Variants in LRIG1 observed in about 807,000 individuals in gnomAD.
The protein encoded by LRIG1 is leucine rich repeats and immunoglobulin like domains 1.
A neutral mutation model predicts 99.2 loss-of-function variants in LRIG1; 48 were observed. The ratio of observed to expected loss-of-function variants is 0.48; its 90% CI spans 0.38 to 0.62. The LOEUF (loss-of-function observed/expected upper bound fraction) is 0.62, where lower values mean the gene tolerates loss of function less well. Among genes scored for constraint, LRIG1 ranks in the 20% least tolerant of loss-of-function variants. The probability of loss-of-function intolerance (pLI) is 0.00; values close to 1 mark genes in which losing one functional copy is unlikely to be tolerated. For missense variants in LRIG1, 1,646 were observed against 1,434.4 expected (o/e 1.15, Z -2.38); for synonymous variants, 772 against 596.1 (o/e 1.29, Z -4.30).
intron 3 of LRIG1, among the ~76,000 whole-genome samples, chr3:66,424,586 T>C (rs1702919715): frequency 1.3e-5 from 2 of 152,198 alleles, no homozygotes. Context: ...GATCCATACC[T>C]CTTTTTATTG....
At chr3:66,496,119 G>A (rs1293484129) in intron 1 of LRIG1, among the ~76,000 whole-genome samples, 2 of 152,188 alleles carry the variant, frequency 1.3e-5, no homozygotes, top group Non-Finnish European at 2.9e-5. Flanking sequence ...GAGAATTACT[G>A]CTGATAATAT....
chr3:66,420,789 C>G (rs117912976), intron 3 of LRIG1, among the ~76,000 whole-genome samples: 1 of 152,080 alleles, frequency 6.6e-6, no homozygotes, highest in East Asian at 1.9e-4. Flanking sequence ...CCGGGGAGAC[C>G]GCAGAAGGAA....
intron 1 of LRIG1, among the ~76,000 whole-genome samples, chr3:66,474,988 T>G (rs919803087): frequency 3.3e-5 from 5 of 152,228 alleles, no homozygotes; most frequent in Non-Finnish European, 7.3e-5. Context: ...AGCCTCTCTG[T>G]GCACTAGAGA....
intron 3 of LRIG1, among the ~76,000 whole-genome samples, chr3:66,420,506 A>G (rs6763401): frequency 0.49 from 73,965 of 152,120 alleles, 21,241 homozygotes; most frequent in Non-Finnish European, 0.67. Context: ...AGACATGTGT[A>G]TCCTCACATT....
chr3:66,469,840 T>G (rs1009042682), intron 1 of LRIG1, among the ~76,000 whole-genome samples: 3 of 144,172 alleles, frequency 2.1e-5, no homozygotes, highest in African/African-American at 7.9e-5. Context: ...GAGGCTAAAG[T>G]CGGGGAATCA....
At chr3:66,430,194 A>C (rs397875809) in intron 3 of LRIG1, among the ~76,000 whole-genome samples, 14 of 107,318 alleles carry the variant, frequency 1.3e-4, no homozygotes, top group South Asian at 7.9e-4. Flanking sequence ...CAACAACAAA[A>C]AAAAAACACT....
intron 2 of LRIG1, among the ~76,000 whole-genome samples, chr3:66,455,322 G>A (rs888311172): frequency 6.6e-6 from 1 of 152,172 alleles, no homozygotes; most frequent in African/African-American, 2.4e-5. Context: ...TTTCAAAAAA[G>A]AATACATAGT....
intron 3 of LRIG1, among the ~76,000 whole-genome samples, chr3:66,422,974 G>A (rs555884779): frequency 1.3e-5 from 2 of 152,252 alleles, no homozygotes; most frequent in Admixed American, 6.5e-5. Context: ...CAGATCTTGT[G>A]AGACTCATTC....
Position 66,484,534 on chromosome 3 carries a change from T to G in LRIG1, c.218+15656A>C, listed in dbSNP as rs146340475. 3.1e-3 allele frequency among the ~76,000 whole-genome samples: 467 copies of G among 152,224 alleles called. 6 individuals are homozygous for G. In the East Asian group the frequency reaches 0.033, roughly 11 times the overall value. Reference sequence around the variant, plus strand: ...AACGTTTAAGACAGATGAACAGAAATCTGCAAGGCGAAGAGGGAAGACCCA... The same window carrying G: ...AACGTTTAAGACAGATGAACAGAAAGCTGCAAGGCGAAGAGGGAAGACCCA... On this transcript the variant is annotated intron_variant, in intron 1 of 18. Coordinates refer to ENST00000273261, the MANE Select transcript of LRIG1 (RefSeq NM_015541.3).
At chr3:66,463,368 G>A (rs978117494) in intron 1 of LRIG1, among the ~76,000 whole-genome samples, 16 of 152,170 alleles carry the variant, frequency 1.1e-4, no homozygotes, top group African/African-American at 3.6e-4. Flanking sequence ...ATTCTTGTTC[G>A]TGTTAACCAC....
At chr3:66,463,042 T>TG (rs1412483691) in intron 1 of LRIG1, among the ~76,000 whole-genome samples, 1 of 151,382 alleles carries the variant, frequency 6.6e-6, no homozygotes, top group South Asian at 2.1e-4. Context: ...TGGCAGGGAG[T>TG]GGGGGGTGTT....
intron 3 of LRIG1, among the ~76,000 whole-genome samples, chr3:66,423,972 A>C (rs898801304): frequency 1.3e-5 from 2 of 152,190 alleles, no homozygotes; most frequent in African/African-American, 4.8e-5. Context: ...AAAAAGAATA[A>C]AATTAATGAC....
At chr3:66,461,399 T>C (rs1428700334) in intron 2 of LRIG1, among the ~76,000 whole-genome samples, 2 of 152,212 alleles carry the variant, frequency 1.3e-5, no homozygotes, top group African/African-American at 4.8e-5. Flanking sequence ...TAATGTCTAA[T>C]AAAAATAATA....
chr3:66,384,755 C>T (rs1701281879), intron 13 of LRIG1, among the ~76,000 whole-genome samples: 1 of 152,120 alleles, frequency 6.6e-6, no homozygotes, highest in Non-Finnish European at 1.5e-5. Flanking sequence ...GGTTGTTCAC[C>T]CAGGCTGTTC....
intron 9 of LRIG1, 49 bp from the exon 10 acceptor site, chr3:66,399,090 A>C (rs1463786785): frequency 5.6e-6 from 8 of 1,425,778 alleles, no homozygotes; most frequent in African/African-American, 1.4e-5. Context: ...GGAAAGCGAA[A>C]CAGGAAGGGT....
chr3:66,409,986 C>A, intron 7 of LRIG1, 143 bp downstream of exon 7: 1 of 777,646 alleles, frequency 1.3e-6, no homozygotes, highest in East Asian at 2.6e-5. Context: ...CACCCTGGGC[C>A]TGGCTGGTTT....
chr3:66,423,426 C>T (rs1378762353), intron 3 of LRIG1, among the ~76,000 whole-genome samples: 1 of 152,098 alleles, frequency 6.6e-6, no homozygotes, highest in Non-Finnish European at 1.5e-5. Context: ...AAAAAATTAG[C>T]CGGGCATGGT....
At chr3:66,441,243 G>A (rs13077021) in intron 3 of LRIG1, among the ~76,000 whole-genome samples, 25,864 of 152,014 alleles carry the variant, frequency 0.17, 2,346 homozygotes, top group Admixed American at 0.25. Flanking sequence ...CCACAAACTG[G>A]CACCTTTATT....
At chr3:66,473,561 G>C (rs1055861102) in intron 1 of LRIG1, among the ~76,000 whole-genome samples, 2 of 152,136 alleles carry the variant, frequency 1.3e-5, no homozygotes, top group Non-Finnish European at 1.5e-5. Flanking sequence ...TTAAGTACAA[G>C]GTTCCTTCCA....
Sources: gnomAD v4.1 joint callset for allele counts (sites outside exome capture counted in the v4.1 genomes callset) on GRCh38, gnomAD v4.1.1 for gene constraint, MANE v1.5 for transcripts, NCBI Gene and HGNC (gene_info 2026-07-23, HGNC 2026-07-21) for gene names.